The following TJP2 variants were observed in gnomAD, a reference collection of about 807,000 sequenced individuals.
TJP2 encodes the protein tight junction protein 2, also known as Friedreich ataxia region gene X104 (tight junction protein ZO-2).
Under a neutral mutation model 133.1 loss-of-function variants are expected in TJP2, and 91 were observed. The ratio of observed to expected loss-of-function variants is 0.68; its 90% CI spans 0.58 to 0.81. The LOEUF (loss-of-function observed/expected upper bound fraction) is 0.81. Ranked by LOEUF, TJP2 falls within the 40% of genes least tolerant of loss-of-function variation. The pLI is 0.00. For synonymous variants in TJP2, 592 were observed against 583.4 expected (o/e 1.01, Z -0.21); for missense variants, 1,541 against 1,565.6 (o/e 0.98, Z 0.26).
In TJP2 at chr9:69,251,330, G is replaced by A; in HGVS notation, c.3287G>A (p.Arg1096Lys). Reference protein sequence around the residue: ...EKMDHKARLQRMQELQEAQNA... With the variant: ...EKMDHKARLQKMQELQEAQNA... ...ATGGATCACAAGGCCAGGTTACAGA[G>A]AATGCAGGAGCTCCAGGAAGCACAG... Residue 1096 changes from arginine to lysine, a missense_variant, in exon 21 of 23, where the codon AGA becomes AAA. Arg to Lys is a conservative substitution (Grantham distance 26, BLOSUM62 2). Coordinates refer to ENST00000377245, the MANE Select transcript of TJP2 (RefSeq NM_004817.4). The A allele has an allele frequency of 1.2e-6, 2 of 1,614,122 alleles. No individual in the cohort carries two copies. The highest frequency in any genetic ancestry group is 1.7e-6 in the Non-Finnish European group (2 of 1,180,024).
At chr9:69,214,723 A>G (rs1028961876) in intron 2 of TJP2, among the ~76,000 whole-genome samples, 2 of 152,008 alleles carry the variant, frequency 1.3e-5, no homozygotes, top group Non-Finnish European at 2.9e-5. Flanking sequence ...AAATACAAAA[A>G]TTAGCTGGGT....
At chr9:69,141,449 G>A (rs1374465239) in intron 1 of TJP2, among the ~76,000 whole-genome samples, 1 of 151,118 alleles carries the variant, frequency 6.6e-6, no homozygotes, top group African/African-American at 2.4e-5. Context: ...GTACCCTCCA[G>A]CCAGCCTGTC....
At chr9:69,235,978 C>T (rs989127517) in intron 12 of TJP2, 50 bp from the exon 13 acceptor site, 4 of 1,566,794 alleles carry the variant, frequency 2.6e-6, no homozygotes, top group Non-Finnish European at 3.5e-6. Context: ...GTGTCTAGTA[C>T]TGTAACTTGT....
chr9:69,237,926 C>A lies in TJP2; in HGVS notation c.2228C>A (p.Ala743Glu). ...TTATTCGGCCCCATAGCTGATATAGCAATGGAAAAATTGGCTAATGAGTTA... is the reference window on the plus strand; with the variant it reads ...TTATTCGGCCCCATAGCTGATATAGAAATGGAAAAATTGGCTAATGAGTTA... ...VVLFGPIADIAMEKLANELPD... is the reference protein window; with the variant it reads ...VVLFGPIADIEMEKLANELPD... Residue 743 changes from alanine (A) to glutamate (E), a missense_variant, in exon 15 of 23, where the codon GCA becomes GAA. Ala to Glu is a moderately radical substitution (Grantham distance 107). Coordinates refer to ENST00000377245, the MANE Select transcript of TJP2 (RefSeq NM_004817.4). The A allele has an allele frequency of 6.2e-7, 1 of 1,613,844 alleles. No homozygotes were observed. Among genetic ancestry groups the A allele is most frequent in the Non-Finnish European group, 8.5e-7 (1 of 1,179,868 alleles).
rs200898241 is a variant in TJP2 at position 69,227,963 on chromosome 9, G to T, written c.1320-18G>T. On this transcript the variant is annotated intron_variant, in intron 8 of 22. Transcript: ENST00000377245. ...AACTGTTATCTCTTGAGACATTTAC[G>T]TATGACATGTGATTCAGTTCCAGAG... 2.5e-6 allele frequency: 4 copies of T among 1,613,980 alleles called. No individual in the cohort carries two copies. Among genetic ancestry groups the T allele is most frequent in the African/African-American group, 1.3e-5 (1 of 74,888 alleles).
At chr9:69,183,997 G>A (rs1326843147) in intron 1 of TJP2, among the ~76,000 whole-genome samples, 5 of 152,134 alleles carry the variant, frequency 3.3e-5, no homozygotes, top group South Asian at 4.1e-4. Flanking sequence ...TTATAAATGC[G>A]AGCCACCACG....
At chr9:69,125,145 G>A (rs2133215129) in intron 1 of TJP2, among the ~76,000 whole-genome samples, 1 of 72,746 alleles carries the variant, frequency 1.4e-5, no homozygotes, top group African/African-American at 4.3e-5. Context: ...TAGAGATGGG[G>A]TTTCTCCATG....
upstream of TJP2, among the ~76,000 whole-genome samples, chr9:69,173,018 T>C (rs1295041421): frequency 6.6e-6 from 1 of 152,234 alleles, no homozygotes; most frequent in African/African-American, 2.4e-5. Context: ...AGGCGTGGAC[T>C]TAGTTACTCC....
intron 14 of TJP2, among the ~76,000 whole-genome samples, chr9:69,237,379 A>G (rs1291162520): frequency 6.6e-6 from 1 of 152,232 alleles, no homozygotes; most frequent in Non-Finnish European, 1.5e-5. Context: ...GAGTTTCGGT[A>G]TATTGGCTGG....
intron 2 of TJP2, among the ~76,000 whole-genome samples, chr9:69,158,012 C>G (rs1823860682): frequency 6.6e-6 from 1 of 151,922 alleles, no homozygotes; most frequent in Non-Finnish European, 1.5e-5. Context: ...AAAAGCTGAC[C>G]CAGAGGCAGG....
intron 1 of TJP2, among the ~76,000 whole-genome samples, chr9:69,134,948 G>A (rs1229162202): frequency 1.4e-5 from 2 of 140,452 alleles, no homozygotes; most frequent in East Asian, 2.0e-4. Flanking sequence ...GAGAGAAGAG[G>A]AGAGAGAGAG....
At chr9:69,176,056 G>A (rs947492076) in intron 1 of TJP2, among the ~76,000 whole-genome samples, 3 of 152,198 alleles carry the variant, frequency 2.0e-5, no homozygotes, top group African/African-American at 7.2e-5. Flanking sequence ...TGCAATCTGT[G>A]TCGGGATTCC....
intron 1 of TJP2, among the ~76,000 whole-genome samples, chr9:69,205,766 G>A (rs1001095665): frequency 1.1e-4 from 17 of 152,076 alleles, no homozygotes; most frequent in African/African-American, 4.1e-4. Context: ...GACAGCTTGC[G>A]ATTAATCTTT....
Position 69,126,612 on chromosome 9 carries a change from C to T in TJP2, c.-131+4887C>T, listed in dbSNP as rs1822299606. Among the ~76,000 whole-genome samples the T allele has an allele frequency of 5.2e-5, 4 of 77,012 alleles. 2 individuals are homozygous for T. The highest frequency in any genetic ancestry group is 3.8e-4 in the Admixed American group (2 of 5,298). The allele number at this position is 77,012 out of a possible 152,430, so 50.5% of individuals were successfully genotyped here. A position where few individuals can be genotyped will look rare whatever the true frequency, so the allele number is the denominator to read the frequency against. On this transcript the variant is annotated intron_variant, in intron 1 of 5. Transcript: ENST00000423935. ...AAATAAAGGAAATAATTATCTTGCT[C>T]CTGAATTATAGTGAAGACTCAAAAA... is the stretch of plus-strand genomic sequence containing the variant.
intron 1 of TJP2, among the ~76,000 whole-genome samples, chr9:69,200,215 G>A (rs1044680588): frequency 1.8e-5 from 2 of 109,832 alleles, no homozygotes; most frequent in African/African-American, 2.9e-5. Context: ...GGCTCTGAAC[G>A]GGCTGTTCCC....
chr9:69,248,865 GA>G (rs1438133670), intron 19 of TJP2: 1 of 992,932 alleles, frequency 1.0e-6, no homozygotes, highest in African/African-American at 1.8e-5. Context: ...AATGATCTTT[GA>G]AGATGGGATT....
At position 69,131,613 on chromosome 9, in the gene TJP2, A is replaced by G. The variant is rs547602823; in HGVS notation, c.-131+9888A>G. Among the ~76,000 whole-genome samples the G allele has an allele frequency of 5.3e-4, 80 of 152,348 alleles. 1 individual carries two copies. In the South Asian group the frequency reaches 0.017, roughly 32 times the overall value. On this transcript the variant is annotated intron_variant, in intron 1 of 5. Coordinates refer to the TJP2 transcript ENST00000423935. ...ATCATTTGGGGCATCTGTTGTTAGT[A>G]GAGAGCAAAGTGATTTAATATCAGT...
chr9:69,180,438 G>C (rs1175904188), intron 1 of TJP2, among the ~76,000 whole-genome samples: 7 of 152,262 alleles, frequency 4.6e-5, no homozygotes, highest in Middle Eastern at 3.4e-3. Context: ...TCTTCTGAGG[G>C]GGAAATAATG....
At chr9:69,185,802 T>C (rs1041203924) in intron 1 of TJP2, among the ~76,000 whole-genome samples, 6 of 152,170 alleles carry the variant, frequency 3.9e-5, no homozygotes, top group African/African-American at 1.4e-4. Context: ...GAGGGAACAC[T>C]GTAGTCTACC....
Sources: gnomAD v4.1 joint callset for allele counts (sites outside exome capture counted in the v4.1 genomes callset) on GRCh38, gnomAD v4.1.1 for gene constraint, MANE v1.5 for transcripts, NCBI Gene and HGNC (gene_info 2026-07-23, HGNC 2026-07-21) for gene names.